Variants in IRGM observed in about 807,000 individuals in gnomAD.
IRGM encodes immunity-related GTPase family M protein.
For missense variants in IRGM, 288 were observed against 219.9 expected (o/e 1.31, Z -1.96); for synonymous variants, 98 against 80.6 (o/e 1.22, Z -1.16).
chr5:150,861,147 G>C (rs951135280), intron 1 of IRGM, among the ~76,000 whole-genome samples: 1 of 152,188 alleles, frequency 6.6e-6, no homozygotes, highest in Non-Finnish European at 1.5e-5. Flanking sequence ...AAATATCCAA[G>C]ATGGCTCACT....
At chr5:150,850,768 T>C (rs1408093265), downstream of IRGM, among the ~76,000 whole-genome samples, 2 of 152,178 alleles carry the variant, frequency 1.3e-5, no homozygotes, top group Non-Finnish European at 2.9e-5. Context: ...GTTGCCAGAC[T>C]GGTCTTGATT....
rs563698911 is a variant in IRGM, at chr5:150,895,347, A to G, written c.*141-5242A>G. On this transcript the variant is annotated intron_variant and NMD_transcript_variant, in intron 3 of 3. Transcript: ENST00000520549. ...TTTTATCTATTGGGATGTTGTCCCCAAGCTTATCAAATTAATTGGGTTTCT... is the reference window on the plus strand; with the variant it reads ...TTTTATCTATTGGGATGTTGTCCCCGAGCTTATCAAATTAATTGGGTTTCT... The G allele has an allele frequency of 5.8e-6, 7 of 1,201,168 alleles. No individual in the cohort carries two copies. The African/African-American group carries it at 9.2e-5, about 16-fold the overall frequency. 74.4% of individuals were successfully genotyped at this position (1,201,168 alleles called of 1,614,324 possible).
In IRGM at chr5:150,853,821, G is replaced by A. The variant is rs575606758; in HGVS notation, c.158+5167G>A. Among the ~76,000 whole-genome samples the A allele has an allele frequency of 1.6e-4, 25 of 151,942 alleles. No homozygotes were observed. In the East Asian group the frequency reaches 1.9e-3, roughly 12 times the overall value. ...GTATCCTGAGATCTATAGTGAATCC[G>A]TAAAGTATCTATAAAAACAACATAT... On this transcript the variant is annotated intron_variant and NMD_transcript_variant, in intron 1 of 3. Transcript: ENST00000520549.
intron 1 of IRGM, among the ~76,000 whole-genome samples, chr5:150,867,501 T>C (rs59531858): frequency 3.3e-5 from 5 of 152,104 alleles, no homozygotes; most frequent in African/African-American, 4.8e-5. Flanking sequence ...TATTCAGTAG[T>C]AGGTTTATTG....
intron 1 of IRGM, among the ~76,000 whole-genome samples, chr5:150,854,261 T>C (rs1314319085): frequency 6.6e-6 from 1 of 152,262 alleles, no homozygotes; most frequent in South Asian, 2.1e-4. Flanking sequence ...TTTATATATG[T>C]TGTGTACCTA....
chr5:150,860,654 T>TC (rs982281056), intron 1 of IRGM, among the ~76,000 whole-genome samples: 38 of 152,302 alleles, frequency 2.5e-4, no homozygotes, highest in African/African-American at 8.4e-4. Flanking sequence ...TGGCCAGCCT[T>TC]CCACCCAGAT....
At position 150,897,025 on chromosome 5, in the gene IRGM, G is replaced by C. The variant is rs78031449; in HGVS notation, c.*141-3564G>C. The C allele has an allele frequency of 1.4e-3, 1,910 of 1,410,622 alleles. 93 individuals carry two copies. The East Asian group carries it at 0.044, about 32-fold the overall frequency. The allele number at this position is 1,410,622 out of a possible 1,614,324, so 87.4% of individuals were successfully genotyped here. ...GAGTCATCACAAGAGTCAATTAAGAGGGTAAAGAAGTAGAACAAATGGATG... is the reference window on the plus strand; with the variant it reads ...GAGTCATCACAAGAGTCAATTAAGACGGTAAAGAAGTAGAACAAATGGATG... On this transcript the variant is annotated intron_variant and NMD_transcript_variant, in intron 3 of 3. Coordinates refer to the IRGM transcript ENST00000520549.
downstream of IRGM, among the ~76,000 whole-genome samples, chr5:150,851,512 A>G (rs1231591177): frequency 6.6e-6 from 1 of 152,202 alleles, no homozygotes; most frequent in Non-Finnish European, 1.5e-5. Context: ...TTTATAATAG[A>G]CAAAATTTTT....
chr5:150,895,252 T>G, intron 3 of IRGM: 1 of 519,402 alleles, frequency 1.9e-6, no homozygotes, highest in Non-Finnish European at 3.4e-6. Context: ...TTCATTTATA[T>G]AACTATTTTC....
intron 3 of IRGM, among the ~76,000 whole-genome samples, chr5:150,881,316 T>A (rs901420303): frequency 1.3e-5 from 2 of 150,640 alleles, no homozygotes; most frequent in African/African-American, 2.4e-5. Flanking sequence ...CAGGAAAGAG[T>A]GGGATGATAT....
At chr5:150,866,870 G>A (rs1187759547) in intron 1 of IRGM, among the ~76,000 whole-genome samples, 3 of 152,088 alleles carry the variant, frequency 2.0e-5, no homozygotes, top group African/African-American at 4.8e-5. Context: ...TTTCATTTCT[G>A]ATGACAACAT....
rs1329529820 is a variant in IRGM, at chr5:150,848,550, A to G, written c.427A>G (p.Ile143Val). 5.8e-6 allele frequency: 9 copies of G among 1,551,724 alleles called. No homozygotes were observed. The East Asian group carries it at 9.7e-5, about 17-fold the overall frequency. Reference protein sequence around the residue: ...TAEDMGKKFYIVWTKLDMDLS... With the variant: ...TAEDMGKKFYVVWTKLDMDLS... ...TGAGGACATGGGAAAGAAGTTCTACATTGTCTGGACCAAGCTAGACATGGA... is the reference window on the plus strand; with the variant it reads ...TGAGGACATGGGAAAGAAGTTCTACGTTGTCTGGACCAAGCTAGACATGGA... The change falls in exon 2 of 2, where the codon ATT becomes GTT. Residue 143 changes from isoleucine to valine, a missense_variant. Physicochemically the swap from Ile to Val is conservative, Grantham distance 29 (BLOSUM62 3). Transcript: ENST00000522154.
At chr5:150,875,926 TG>T (rs1754356089) in intron 1 of IRGM, among the ~76,000 whole-genome samples, 1 of 152,212 alleles carries the variant, frequency 6.6e-6, no homozygotes, top group Non-Finnish European at 1.5e-5. Flanking sequence ...GATATGGGTT[TG>T]CCTATCCTGT....
intron 2 of IRGM, chr5:150,878,143 A>G: frequency 2.4e-6 from 1 of 416,832 alleles, no homozygotes; most frequent in Non-Finnish European, 4.6e-6. Context: ...CACTGATTTT[A>G]GTAAGTTTAA....
At chr5:150,867,634 C>A (rs531276331) in intron 1 of IRGM, among the ~76,000 whole-genome samples, 1 of 145,840 alleles carries the variant, frequency 6.9e-6, no homozygotes, top group East Asian at 2.6e-4. Flanking sequence ...ACATCCATGC[C>A]AACATCTATT....
chr5:150,849,172 AAC>A (rs1227640491), downstream of IRGM, among the ~76,000 whole-genome samples: 1 of 151,898 alleles, frequency 6.6e-6, no homozygotes. Context: ...TGGGCTTAAA[AAC>A]ACACAACTGA....
downstream of IRGM, among the ~76,000 whole-genome samples, chr5:150,902,038 T>A (rs145108872): frequency 3.2e-3 from 492 of 152,286 alleles, 4 homozygotes; most frequent in African/African-American, 0.011. Context: ...GTTATATTCA[T>A]ATCAAAAAAG....
chr5:150,849,606 T>TC (rs543447707), downstream of IRGM, among the ~76,000 whole-genome samples: 23,983 of 120,574 alleles, frequency 0.2, 2,343 homozygotes, highest in East Asian at 0.56. Context: ...TTTTTCTCTC[T>TC]TTTTTTTTTT....
downstream of IRGM, among the ~76,000 whole-genome samples, chr5:150,853,295 G>A (rs1754002361): frequency 6.6e-6 from 1 of 152,110 alleles, no homozygotes; most frequent in African/African-American, 2.4e-5. Context: ...GAAAGACACT[G>A]CATAATTTCA....
Sources: allele counts gnomAD v4.1 joint callset (sites outside exome capture counted in the v4.1 genomes callset), GRCh38; gene constraint gnomAD v4.1.1; transcripts MANE v1.5; gene names NCBI Gene and HGNC (gene_info 2026-07-23, HGNC 2026-07-21).